Variants in DMD observed in about 807,000 individuals in gnomAD.
The protein encoded by DMD is mutant dystrophin.
Under a neutral mutation model 330.1 loss-of-function variants are expected in DMD, and 63 were observed. The observed-to-expected ratio is 0.19, with a 90% CI of 0.16 to 0.24. The LOEUF is 0.24. Ranked by LOEUF, DMD falls within the 10% of genes least tolerant of loss-of-function variation. The probability of loss-of-function intolerance (pLI) is 1.00; values close to 1 mark genes in which losing one functional copy is unlikely to be tolerated. For synonymous variants in DMD, 1,223 were observed against 959.8 expected (o/e 1.27, Z -5.07); for missense variants, 3,344 against 2,684.1 (o/e 1.25, Z -5.43).
At position 32,536,070 on chromosome X, in the gene DMD, T is replaced by C. The variant is rs991249242; in HGVS notation, c.2168+9089A>G. Among the ~76,000 whole-genome samples the C allele has an allele frequency of 7.3e-5, 8 of 109,817 alleles. 1 individual carries two copies. Among genetic ancestry groups the C allele is most frequent in the African/African-American group, 2.7e-4 (8 of 29,978 alleles). ...TCATGAGGTCAACAGATCAAGCCCA[T>C]CCTAGCCAACACGGTGAAACCCCAT... On this transcript the variant is annotated intron_variant, in intron 17 of 78. Coordinates refer to ENST00000357033, the MANE Select transcript of DMD (RefSeq NM_004006.3).
intron 47 of DMD, among the ~76,000 whole-genome samples, chrX:31,893,382 A>G (rs1001675073): frequency 5.4e-5 from 6 of 111,333 alleles, no homozygotes; most frequent in Non-Finnish European, 1.1e-4. Flanking sequence ...GCCTCTAGCC[A>G]CCGTCCTCCA....
chrX:32,276,184 C>T (rs1283098349), intron 43 of DMD, among the ~76,000 whole-genome samples: 1 of 112,403 alleles, frequency 8.9e-6, no homozygotes, highest in Non-Finnish European at 1.9e-5. Flanking sequence ...TTTGAACTAG[C>T]CCCAGCCAGA....
intron 44 of DMD, among the ~76,000 whole-genome samples, chrX:32,074,088 GA>G (rs930528550): frequency 4.5e-5 from 5 of 110,823 alleles, no homozygotes; most frequent in Non-Finnish European, 7.6e-5. Context: ...TTATAAATAA[GA>G]AAAAAATAAT....
intron 13 of DMD, among the ~76,000 whole-genome samples, chrX:32,578,381 C>A (rs969651140): frequency 3.6e-5 from 4 of 111,961 alleles, no homozygotes; most frequent in Non-Finnish European, 5.6e-5. Context: ...TTTATATTCT[C>A]ATTTTGTCTC....
intron 52 of DMD, among the ~76,000 whole-genome samples, chrX:31,726,238 G>A (rs760715931): frequency 8.9e-6 from 1 of 112,091 alleles, no homozygotes; most frequent in Non-Finnish European, 1.9e-5. Context: ...AAACATGGTG[G>A]TGGCTTGCAC....
chrX:31,589,109 A>AG (rs1345067407), intron 55 of DMD, among the ~76,000 whole-genome samples: 1 of 110,002 alleles, frequency 9.1e-6, no homozygotes, highest in African/African-American at 3.3e-5. Flanking sequence ...AAAAAAAAAA[A>AG]AAATCTGACC....
chrX:31,669,388 C>T (rs185078602), intron 53 of DMD, among the ~76,000 whole-genome samples: 7 of 111,914 alleles, frequency 6.3e-5, no homozygotes, highest in Admixed American at 4.7e-4. Context: ...TTCACAAACC[C>T]GTTAGCTATT....
intron 11 of DMD, among the ~76,000 whole-genome samples, chrX:32,624,858 G>T (rs2058242921): frequency 8.9e-6 from 1 of 112,331 alleles, no homozygotes; most frequent in South Asian, 3.7e-4. Flanking sequence ...TGCCAGCTTT[G>T]CTTTACAGAA....
intron 44 of DMD, among the ~76,000 whole-genome samples, chrX:32,068,563 G>T (rs149015157): frequency 3.6e-5 from 4 of 109,630 alleles, no homozygotes; most frequent in Non-Finnish European, 7.6e-5. Context: ...CGAACAGTTG[G>T]CTGTAGCTGT....
chrX:32,540,174 G>C (rs1396807559), intron 17 of DMD, among the ~76,000 whole-genome samples: 1 of 111,150 alleles, frequency 9.0e-6, no homozygotes, highest in South Asian at 3.8e-4. Flanking sequence ...AATAGATCTA[G>C]TTTTACCCTA....
intron 1 of DMD, among the ~76,000 whole-genome samples, chrX:33,023,021 A>G (rs1049909136): frequency 1.8e-5 from 2 of 111,524 alleles, no homozygotes; most frequent in Non-Finnish European, 3.8e-5. Flanking sequence ...ATGGTGCTGG[A>G]TGATATGGTT....
intron 1 of DMD, among the ~76,000 whole-genome samples, chrX:33,252,078 C>A (rs562477130): frequency 8.9e-6 from 1 of 111,780 alleles, no homozygotes; most frequent in South Asian, 3.7e-4. Flanking sequence ...AATGTTTCAG[C>A]TTTCTTTTTA....
Position 31,323,636 on chromosome X carries a change from C to T in DMD, c.9186G>A (p.Glu3062=), listed in dbSNP as rs773387216. The T allele has an allele frequency of 8.3e-7, 1 of 1,210,423 alleles. No homozygotes were observed. The highest frequency in any genetic ancestry group is 1.1e-6 in the Non-Finnish European group (1 of 894,657). Reference sequence around the variant, plus strand: ...GCACTTTGTTTGGCGAGATGGCTCTCTCCCAGGGACCCTGGACAGACGCTG... The same window carrying T: ...GCACTTTGTTTGGCGAGATGGCTCTTTCCCAGGGACCCTGGACAGACGCTG... The part of the protein sequence containing the change: ...FLSTSVQGPW[E]RAISPNKVPY... Residue 3062 remains glutamate, a synonymous_variant, in exon 62 of 79, where the codon GAG becomes GAA. Coordinates refer to ENST00000357033, the MANE Select transcript of DMD (RefSeq NM_004006.3).
intron 60 of DMD, among the ~76,000 whole-genome samples, chrX:31,370,023 C>T (rs1055315928): frequency 1.1e-4 from 11 of 103,103 alleles, no homozygotes; most frequent in South Asian, 4.5e-4. Context: ...GGCGTGAACC[C>T]GGGAGGCGGA....
intron 1 of DMD, among the ~76,000 whole-genome samples, chrX:33,033,526 C>T (rs1195121007): frequency 4.3e-5 from 4 of 93,438 alleles, no homozygotes; most frequent in African/African-American, 9.1e-5. Context: ...CTGGCAAACA[C>T]GGTGAAACCC....
chrX:32,834,119 T>G (rs1033367443), intron 4 of DMD, among the ~76,000 whole-genome samples: 1 of 111,132 alleles, frequency 9.0e-6, no homozygotes, highest in Non-Finnish European at 1.9e-5. Context: ...ATAAAGTGAG[T>G]CAAAGTCACG....
At chrX:32,847,566 C>T (rs1036001691) in intron 3 of DMD, among the ~76,000 whole-genome samples, 15 of 112,051 alleles carry the variant, frequency 1.3e-4, no homozygotes, top group African/African-American at 4.5e-4. Context: ...GTTCTGGGAT[C>T]GGGAGCATTT....
chrX:32,891,177 G>A (rs1175269513), intron 2 of DMD, among the ~76,000 whole-genome samples: 1 of 111,373 alleles, frequency 9.0e-6, no homozygotes, highest in Non-Finnish European at 1.9e-5. Flanking sequence ...TCAAAAATAG[G>A]GCAAAAATTC....
chrX:32,697,013 C>T (rs1287564883), intron 9 of DMD, among the ~76,000 whole-genome samples: 1 of 111,532 alleles, frequency 9.0e-6, no homozygotes, highest in Non-Finnish European at 1.9e-5. Context: ...ATTTTTTAGC[C>T]GATAGGATCA....
Sources: gnomAD v4.1 joint callset for allele counts (sites outside exome capture counted in the v4.1 genomes callset) on GRCh38, gnomAD v4.1.1 for gene constraint, MANE v1.5 for transcripts, NCBI Gene and HGNC (gene_info 2026-07-23, HGNC 2026-07-21) for gene names.